The following LARGE1 variants were observed in gnomAD, a reference collection of about 807,000 sequenced individuals.
LARGE1 encodes xylosyl- and glucuronyltransferase LARGE1.
A neutral mutation model predicts 87.6 loss-of-function variants in LARGE1; 43 were observed. The observed-to-expected ratio is 0.49, with a 90% CI of 0.38 to 0.63. The LOEUF is 0.63. Ranked by LOEUF, LARGE1 falls within the 30% of genes least tolerant of loss-of-function variation. LARGE1 has a pLI of 0.00. For synonymous variants in LARGE1, 434 were observed against 394.6 expected (o/e 1.10, Z -1.18); for missense variants, 802 against 1,000.2 (o/e 0.80, Z 2.67).
chr22:33,606,391 C>T (rs1031648982), intron 4 of LARGE1, among the ~76,000 whole-genome samples: 2 of 147,762 alleles, frequency 1.4e-5, no homozygotes, highest in Non-Finnish European at 3.0e-5. Context: ...GGTGATGGAG[C>T]GAGACCCCAT....
intron 2 of LARGE1, among the ~76,000 whole-genome samples, chr22:33,712,036 A>C (rs1384059613): frequency 1.3e-5 from 2 of 152,194 alleles, no homozygotes; most frequent in Admixed American, 1.3e-4. Flanking sequence ...CGTGTGCTGC[A>C]TATTGAGTGG....
At chr22:33,778,107 A>G (rs752591336) in intron 1 of LARGE1, among the ~76,000 whole-genome samples, 20 of 152,238 alleles carry the variant, frequency 1.3e-4, no homozygotes, top group Non-Finnish European at 2.8e-4. Flanking sequence ...GGAGGAAAAG[A>G]GTCAGGAAAG....
intron 11 of LARGE1, among the ~76,000 whole-genome samples, chr22:33,248,379 A>G (rs1235187244): frequency 6.6e-6 from 1 of 152,032 alleles, no homozygotes; most frequent in Non-Finnish European, 1.5e-5. Flanking sequence ...TTTAGTAGAG[A>G]GGGGGTTTCA....
intron 1 of LARGE1, among the ~76,000 whole-genome samples, chr22:33,765,559 G>A (rs558010946): frequency 1.3e-5 from 2 of 151,948 alleles, no homozygotes; most frequent in South Asian, 4.2e-4. Flanking sequence ...CAAAAAATTA[G>A]CTGGGCATGG....
chr22:33,193,306 C>T (rs186127641), intron 11 of LARGE1, among the ~76,000 whole-genome samples: 26 of 151,766 alleles, frequency 1.7e-4, no homozygotes, highest in Admixed American at 1.5e-3. Context: ...GTTTAAGGAA[C>T]GAATGGGCAG....
the LARGE1 span, among the ~76,000 whole-genome samples, chr22:33,081,774 T>G: frequency 2.0e-5 from 3 of 152,170 alleles, no homozygotes; most frequent in Non-Finnish European, 4.4e-5. Flanking sequence ...ACACTTTGAA[T>G]AGCACATAGG....
chr22:33,323,689 T>C (rs2146386713), intron 10 of LARGE1, among the ~76,000 whole-genome samples: 1 of 152,294 alleles, frequency 6.6e-6, no homozygotes, highest in South Asian at 2.1e-4. Flanking sequence ...TAACAAAGAT[T>C]TTCTGAGTGG....
intron 7 of LARGE1, among the ~76,000 whole-genome samples, chr22:33,395,017 G>A (rs887317509): frequency 6.6e-6 from 1 of 151,976 alleles, no homozygotes; most frequent in Non-Finnish European, 1.5e-5. Flanking sequence ...ACGAGGTCAG[G>A]AGATTGAGAC....
At chr22:33,104,937 TTC>T in the LARGE1 span, among the ~76,000 whole-genome samples, 1 of 117,350 alleles carries the variant, frequency 8.5e-6, no homozygotes, top group East Asian at 2.3e-4. Context: ...CTTTCTTTCT[TTC>T]TTTCTTTCTC....
In LARGE1 at chr22:33,480,817, C is replaced by T. The variant is rs534295904; in HGVS notation, c.788-48552G>A. On this transcript the variant is annotated intron_variant, in intron 6 of 14. Transcript: ENST00000397394. ...ATATATTTTGACAAAAACAGGATAA[C>T]GGTAGAATTACTATATAACCTACTT... 9.6e-4 allele frequency among the ~76,000 whole-genome samples: 146 copies of T among 152,174 alleles called. 1 individual carries two copies. The highest frequency in any genetic ancestry group is 3.4e-3 in the Middle Eastern group (1 of 294).
intron 6 of LARGE1, among the ~76,000 whole-genome samples, chr22:33,472,336 T>C (rs777634137): frequency 7.4e-4 from 112 of 152,272 alleles, no homozygotes; most frequent in African/African-American, 2.6e-3. Flanking sequence ...GAGACAGGCA[T>C]GCAGAGGGAG....
At chr22:33,638,421 T>G (rs561618441) in intron 3 of LARGE1, among the ~76,000 whole-genome samples, 1 of 152,150 alleles carries the variant, frequency 6.6e-6, no homozygotes, top group African/African-American at 2.4e-5. Flanking sequence ...GAGGAACGAT[T>G]ACCTCATGGG....
the LARGE1 span, among the ~76,000 whole-genome samples, chr22:33,143,643 A>G: frequency 1.3e-5 from 2 of 152,130 alleles, no homozygotes; most frequent in African/African-American, 4.8e-5. Context: ...GAAGACAATT[A>G]CCCATAATTC....
At chr22:33,318,287 T>C (rs1253870114) in intron 10 of LARGE1, among the ~76,000 whole-genome samples, 1 of 151,720 alleles carries the variant, frequency 6.6e-6, no homozygotes, top group Non-Finnish European at 1.5e-5. Context: ...TGTATTTCCA[T>C]AAAAACAAAC....
At chr22:33,397,358 T>C (rs2065785823) in intron 7 of LARGE1, among the ~76,000 whole-genome samples, 1 of 152,148 alleles carries the variant, frequency 6.6e-6, no homozygotes, top group Admixed American at 6.5e-5. Context: ...CAGCTGATCC[T>C]ACCGCCTTGG....
rs142074605 is a variant in LARGE1, at chr22:33,427,639, C to A, written c.892+4522G>T. ...GTGAAGAGGCTGTGTTTGATGTCTG[C>A]GGTTGAATCTGAATTAGCTGAAAAG... is the stretch of plus-strand genomic sequence containing the variant. On this transcript the variant is annotated intron_variant, in intron 7 of 14. Coordinates refer to ENST00000397394, the MANE Select transcript of LARGE1 (RefSeq NM_133642.5). Among the ~76,000 whole-genome samples, 334 of 152,294 alleles carry A rather than the reference C, an allele frequency of 2.2e-3. 2 individuals are homozygous for A. Among genetic ancestry groups the A allele is most frequent in the African/African-American group, 7.6e-3 (317 of 41,570 alleles).
the LARGE1 span, among the ~76,000 whole-genome samples, chr22:33,152,838 GTGC>G: frequency 5.3e-5 from 8 of 152,016 alleles, no homozygotes; most frequent in Non-Finnish European, 1.2e-4. Context: ...CATATAGTTT[GTGC>G]TCTATTTTGT....
intron 5 of LARGE1, among the ~76,000 whole-genome samples, chr22:33,598,585 C>T (rs2079038337): frequency 6.6e-6 from 1 of 151,742 alleles, no homozygotes; most frequent in Non-Finnish European, 1.5e-5. Context: ...CATGTGTTCT[C>T]ATTGTTCAAC....
chr22:33,565,035 C>T lies in LARGE1; in HGVS notation c.616-16G>A, dbSNP rs1569274104. ...AAACTTCAGACTAGACAGAACAAGG[C>T]AGAGAGAGAGTTGGAGAAAGGGAAA... On this transcript the variant is annotated splice_polypyrimidine_tract_variant and intron_variant, in intron 5 of 14. Transcript: ENST00000397394. 3 of 1,612,782 alleles carry T rather than the reference C, an allele frequency of 1.9e-6. No homozygotes were observed. Among genetic ancestry groups the T allele is most frequent in the East Asian group, 2.2e-5 (1 of 44,872 alleles).
Sources: allele counts gnomAD v4.1 joint callset (sites outside exome capture counted in the v4.1 genomes callset), GRCh38; gene constraint gnomAD v4.1.1; transcripts MANE v1.5; gene names NCBI Gene and HGNC (gene_info 2026-07-23, HGNC 2026-07-21).